Variants in SPHKAP observed in about 807,000 individuals in gnomAD.
SPHKAP encodes the protein A-kinase anchor protein SPHKAP.
A neutral mutation model predicts 137.5 loss-of-function variants in SPHKAP; 67 were observed. The ratio of observed to expected loss-of-function variants is 0.49; its 90% CI spans 0.40 to 0.60. The LOEUF (loss-of-function observed/expected upper bound fraction) is 0.60, where lower values mean the gene tolerates loss of function less well. SPHKAP is among the 20% of genes least tolerant of loss of function. SPHKAP has a pLI of 0.00. For missense variants in SPHKAP, 2,097 were observed against 2,069.3 expected, an observed-to-expected ratio of 1.01 and a Z score of -0.26; for synonymous variants, 813 against 785.3, an observed-to-expected ratio of 1.04 and a Z score of -0.59.
intron 1 of SPHKAP, among the ~76,000 whole-genome samples, chr2:228,155,223 CA>C (rs543950127): frequency 1.3e-3 from 190 of 151,038 alleles, no homozygotes; most frequent in Non-Finnish European, 2.2e-3. Context: ...TACCATTGTT[CA>C]TTTTTTTTTT....
intron 3 of SPHKAP, among the ~76,000 whole-genome samples, chr2:228,078,379 ACT>A (rs1491247224): frequency 1.4e-5 from 2 of 141,426 alleles, no homozygotes; most frequent in Admixed American, 1.5e-4. Flanking sequence ...ATGTTGGCAG[ACT>A]TTTTTTTTTT....
intron 3 of SPHKAP, chr2:228,028,176 G>T: frequency 2.1e-6 from 1 of 484,888 alleles, no homozygotes; most frequent in Non-Finnish European, 2.7e-6. Context: ...CAGATCTCAT[G>T]AAATAGGAAA....
At chr2:228,048,240 T>C (rs1696133895) in intron 3 of SPHKAP, among the ~76,000 whole-genome samples, 1 of 151,920 alleles carries the variant, frequency 6.6e-6, no homozygotes, top group South Asian at 2.1e-4. Context: ...AGATCAACCC[T>C]GACGTAAAAC....
Position 228,017,189 on chromosome 2 carries a change from C to A in SPHKAP, c.3665G>T (p.Gly1222Val). 6.2e-7 allele frequency: 1 copy of A among 1,613,856 alleles called. No homozygotes were observed. Among genetic ancestry groups the A allele is most frequent in the African/African-American group, 1.3e-5 (1 of 75,016 alleles). The change falls in exon 7 of 12, where the codon GGC becomes GTC. Residue 1222 changes from glycine to valine, a missense_variant. By Grantham distance (109) the Gly-to-Val change is moderately radical. Transcript: ENST00000392056. ...SRRSSQDWTA[G>V]LLSPSLRSPV... ...GGATCGCAGAGAAGGAGACAGCAGG[C>A]CGGCTGTCCAATCCTGGCTGCTCCG... is the stretch of plus-strand genomic sequence containing the variant.
At chr2:228,109,079 A>G (rs531174016) in intron 2 of SPHKAP, 140 bp from the exon 3 acceptor site, 21 of 586,504 alleles carry the variant, frequency 3.6e-5, no homozygotes, top group Non-Finnish European at 4.9e-5. Flanking sequence ...TTAGAAAAAA[A>G]CTTGCAGGAT....
chr2:227,989,006 T>A (rs908468833), intron 11 of SPHKAP, among the ~76,000 whole-genome samples: 3 of 152,302 alleles, frequency 2.0e-5, no homozygotes, highest in South Asian at 4.1e-4. Flanking sequence ...AGAAAGGGTA[T>A]GAAAAATGAA....
intron 3 of SPHKAP, among the ~76,000 whole-genome samples, chr2:228,095,512 A>T (rs1697953151): frequency 1.3e-5 from 2 of 152,184 alleles, no homozygotes; most frequent in Non-Finnish European, 2.9e-5. Context: ...TGGGGGTGTG[A>T]GTTCAGTTCT....
intron 3 of SPHKAP, among the ~76,000 whole-genome samples, chr2:228,067,706 G>GA (rs1391623498): frequency 2.0e-5 from 3 of 152,028 alleles, no homozygotes; most frequent in Non-Finnish European, 4.4e-5. Flanking sequence ...GCTGCTAGAA[G>GA]AAAAAATGAC....
intron 3 of SPHKAP, among the ~76,000 whole-genome samples, chr2:228,092,137 G>A (rs62201108): frequency 0.98 from 137,905 of 141,120 alleles, 67,383 homozygotes; most frequent in East Asian, 0.99. Context: ...GTATATGTGT[G>A]TACACATATA....
chr2:228,181,269 C>A lies in SPHKAP; in HGVS notation c.32+298G>T, dbSNP rs2106441061. Among the ~76,000 whole-genome samples the A allele has an allele frequency of 6.6e-6, 1 of 152,314 alleles. No individual in the cohort carries two copies. The highest frequency in any genetic ancestry group is 1.5e-5 in the Non-Finnish European group (1 of 68,026). On this transcript the variant is annotated intron_variant, in intron 1 of 11. Coordinates refer to ENST00000392056, the MANE Select transcript of SPHKAP (RefSeq NM_001142644.2). This position sits in a 1 kb window ranked among gnomAD's most constrained non-coding sequence, Gnocchi z 4.3. ...CGGAAAGTCCGGCTCCTGGCTCCAC[C>A]TAGGGCAGAGCAGACCTCCGTCCCT...
intron 3 of SPHKAP, among the ~76,000 whole-genome samples, chr2:228,030,030 A>G (rs1574771603): frequency 6.6e-6 from 1 of 152,272 alleles, no homozygotes; most frequent in African/African-American, 2.4e-5. Flanking sequence ...TTAGGCTACT[A>G]TATGAAACTC....
intron 1 of SPHKAP, among the ~76,000 whole-genome samples, chr2:228,177,837 C>T (rs779814215): frequency 3.9e-5 from 6 of 151,978 alleles, no homozygotes; most frequent in Non-Finnish European, 8.8e-5. Context: ...CTAGTTTTTT[C>T]AAAAGTTTAC....
chr2:228,078,833 C>T lies in SPHKAP; in HGVS notation c.246+29999G>A, dbSNP rs150473365. 6.4e-3 allele frequency among the ~76,000 whole-genome samples: 974 copies of T among 152,278 alleles called. 27 individuals carry two copies. Among genetic ancestry groups the T allele is most frequent in the Admixed American group, 0.042 (650 of 15,298 alleles). ...AGAATGAGAGGGAAGTGAGCACCAG[C>T]CTTTGCCTCAGACCTCAAAACCAGG... On this transcript the variant is annotated intron_variant, in intron 3 of 11. Coordinates refer to ENST00000392056, the MANE Select transcript of SPHKAP (RefSeq NM_001142644.2).
intron 3 of SPHKAP, among the ~76,000 whole-genome samples, chr2:228,095,000 C>A (rs1017883432): frequency 1.3e-5 from 2 of 152,046 alleles, no homozygotes. Context: ...GCTGAAAACA[C>A]ATAGCCAGAA....
At chr2:228,148,326 G>A (rs977972400) in intron 1 of SPHKAP, among the ~76,000 whole-genome samples, 1 of 152,198 alleles carries the variant, frequency 6.6e-6, no homozygotes, top group Non-Finnish European at 1.5e-5. Context: ...TTTGAGGAAA[G>A]AGGAATGCTC....
At chr2:228,106,757 C>A (rs1473250726) in intron 3 of SPHKAP, among the ~76,000 whole-genome samples, 1 of 152,088 alleles carries the variant, frequency 6.6e-6, no homozygotes, top group Non-Finnish European at 1.5e-5. Context: ...CAGGAATGTG[C>A]AACTCTGGAC....
At chr2:228,092,214 TAC>T (rs1011944684) in intron 3 of SPHKAP, among the ~76,000 whole-genome samples, 21 of 137,480 alleles carry the variant, frequency 1.5e-4, no homozygotes, top group African/African-American at 2.6e-4. Flanking sequence ...CACACATATA[TAC>T]ACACATATAT....
chr2:227,988,348 G>A (rs1034847882), intron 11 of SPHKAP, among the ~76,000 whole-genome samples: 1 of 152,146 alleles, frequency 6.6e-6, no homozygotes, highest in African/African-American at 2.4e-5. Flanking sequence ...AATTGAATGA[G>A]TGAAATATCA....
At chr2:228,043,514 A>T in intron 3 of SPHKAP, among the ~76,000 whole-genome samples, 1 of 152,152 alleles carries the variant, frequency 6.6e-6, no homozygotes, top group East Asian at 1.9e-4. Flanking sequence ...TTTAGTAGAG[A>T]CAGGGTTTCA....
Sources: gnomAD v4.1 joint callset for allele counts (sites outside exome capture counted in the v4.1 genomes callset) on GRCh38, gnomAD v4.1.1 for gene constraint, Gnocchi (gnomAD v3.1) non-coding constraint, MANE v1.5 for transcripts, NCBI Gene and HGNC (gene_info 2026-07-23, HGNC 2026-07-21) for gene names.